The following ME3 variants were observed in gnomAD, a reference collection of about 807,000 sequenced individuals.
ME3 encodes the protein malic enzyme 3.
A neutral mutation model predicts 68.9 loss-of-function variants in ME3; 48 were observed. The ratio of observed to expected loss-of-function variants is 0.70; its 90% CI spans 0.55 to 0.89. The LOEUF (loss-of-function observed/expected upper bound fraction) is 0.89. Ranked by LOEUF, ME3 falls within the 40% of genes least tolerant of loss-of-function variation. The probability of loss-of-function intolerance (pLI) is 0.00; values close to 1 mark genes in which losing one functional copy is unlikely to be tolerated. For missense variants in ME3, 675 were observed against 797.4 expected (o/e 0.85, Z 1.85); for synonymous variants, 320 against 318.8 (o/e 1.00, Z -0.04).
rs373289963 is a variant in ME3 at position 86,493,729 on chromosome 11, CT to C, written c.705+4233del. On this transcript the variant is annotated intron_variant, in intron 6 of 14. Transcript: ENST00000543262. ...CCACATATTTATTTTTCCAAATCTC[CT>C]TGGTATTGGCAGGTAAAAGTGATGC... Among the ~76,000 whole-genome samples the C allele has an allele frequency of 6.4e-3, 977 of 152,324 alleles. 10 individuals are homozygous for C. Among genetic ancestry groups the C allele is most frequent in the African/African-American group, 0.022 (906 of 41,568 alleles).
At chr11:86,657,693 GAAGA>G (rs1249673232) in intron 2 of ME3, among the ~76,000 whole-genome samples, 9 of 152,156 alleles carry the variant, frequency 5.9e-5, no homozygotes, top group East Asian at 1.9e-4. Context: ...GACCAAACTA[GAAGA>G]AAGACTCCTG....
intron 2 of ME3, among the ~76,000 whole-genome samples, chr11:86,630,684 T>C (rs1431781100): frequency 6.6e-6 from 1 of 152,258 alleles, no homozygotes; most frequent in Non-Finnish European, 1.5e-5. Context: ...ACACACTCTT[T>C]GGCATCTTCT....
At position 86,470,271 on chromosome 11, in the gene ME3, T is replaced by C. The variant is rs376453180; in HGVS notation, c.810-5071A>G. On this transcript the variant is annotated intron_variant, in intron 7 of 14. Coordinates refer to ENST00000543262, the Ensembl canonical transcript of ME3. The stretch of plus-strand genomic sequence containing the variant: ...AATGACTAAAAGCTACCTCTGGTAT[T>C]TCCATGGTAGTCCATGCTGTTCCCC... 2.6e-4 allele frequency among the ~76,000 whole-genome samples: 39 copies of C among 152,294 alleles called. No homozygotes were observed. In the East Asian group the frequency reaches 4.6e-3, roughly 18 times the overall value.
chr11:86,448,301 T>C (rs1949437556), intron 10 of ME3, 46 bp from the exon 11 acceptor site: 1 of 1,394,840 alleles, frequency 7.2e-7, no homozygotes, highest in Non-Finnish European at 1.0e-6. Flanking sequence ...GATGGCCTGT[T>C]GGGTAGGAGT....
At chr11:86,505,155 G>T (rs1188206323) in intron 5 of ME3, among the ~76,000 whole-genome samples, 1 of 152,082 alleles carries the variant, frequency 6.6e-6, no homozygotes, top group Admixed American at 6.5e-5. Flanking sequence ...ACCTAGGTAG[G>T]GAGACCTTCC....
exon 2 of ME3, chr11:86,671,822 C>T (rs762531914): frequency 6.2e-7 from 1 of 1,600,926 alleles, no homozygotes; most frequent in Non-Finnish European, 8.5e-7. Flanking sequence ...GCACAGGGCG[C>T]GCCGGGCCAG....
intron 4 of ME3, among the ~76,000 whole-genome samples, chr11:86,529,496 A>G (rs1955035880): frequency 6.6e-6 from 1 of 152,212 alleles, no homozygotes; most frequent in African/African-American, 2.4e-5. Flanking sequence ...AATCCTCCCT[A>G]ACTCATTTTA....
At chr11:86,623,516 G>GCTGA (rs1555016157) in intron 2 of ME3, among the ~76,000 whole-genome samples, 1 of 151,552 alleles carries the variant, frequency 6.6e-6, no homozygotes, top group African/African-American at 2.4e-5. Flanking sequence ...TTTGGAGAAC[G>GCTGA]CTAACATGAT....
rs768426263 is a variant in ME3 at position 86,498,267 on chromosome 11, G to A, written c.544-143C>T. 6.1e-6 allele frequency: 6 copies of A among 989,270 alleles called. No individual in the cohort carries two copies. In the East Asian group the frequency reaches 8.7e-5, roughly 14 times the overall value. 61.3% of individuals were successfully genotyped at this position (989,270 alleles called of 1,614,324 possible). A position where few individuals can be genotyped will look rare whatever the true frequency, so the allele number is the denominator to read the frequency against. ...GAAAGAGCTTGTCTGGGATAAGGCC[G>A]GAGCATTTATTCACCTGCAGGTGAC... On this transcript the variant is annotated intron_variant, in intron 5 of 14. Coordinates refer to ENST00000543262, the Ensembl canonical transcript of ME3.
At chr11:86,537,833 T>C (rs1407553247) in intron 4 of ME3, among the ~76,000 whole-genome samples, 1 of 152,146 alleles carries the variant, frequency 6.6e-6, no homozygotes, top group African/African-American at 2.4e-5. Flanking sequence ...CAGGGAGGTT[T>C]CAAAATGTGG....
At chr11:86,437,848 G>A (rs1948906035), downstream of ME3, among the ~76,000 whole-genome samples, 1 of 113,120 alleles carries the variant, frequency 8.8e-6, no homozygotes, top group Admixed American at 9.3e-5. Flanking sequence ...GAGAGAGAGA[G>A]AGGAGAGAGA....
chr11:86,508,244 C>T (rs1208108686), intron 5 of ME3, among the ~76,000 whole-genome samples: 1 of 152,106 alleles, frequency 6.6e-6, no homozygotes, highest in Non-Finnish European at 1.5e-5. Context: ...CTAGTCTCTC[C>T]ACTACCTAAC....
chr11:86,501,025 A>G (rs181367773), intron 5 of ME3, among the ~76,000 whole-genome samples: 3 of 152,238 alleles, frequency 2.0e-5, no homozygotes, highest in African/African-American at 7.2e-5. Flanking sequence ...TAAAATGCAC[A>G]TTTTATCTCA....
intron 2 of ME3, among the ~76,000 whole-genome samples, chr11:86,661,022 A>G (rs764330881): frequency 7.9e-5 from 12 of 152,178 alleles, no homozygotes; most frequent in Non-Finnish European, 7.3e-5. Context: ...TTTCTGATAC[A>G]TCAAGGAGAA....
intron 6 of ME3, among the ~76,000 whole-genome samples, chr11:86,488,950 A>G (rs1951845484): frequency 6.6e-6 from 1 of 152,182 alleles, no homozygotes; most frequent in East Asian, 1.9e-4. Flanking sequence ...ATGGTCAGGT[A>G]GGAAGAGATA....
At chr11:86,465,715 A>G (rs1223208922) in intron 7 of ME3, among the ~76,000 whole-genome samples, 1 of 152,204 alleles carries the variant, frequency 6.6e-6, no homozygotes, top group Non-Finnish European at 1.5e-5. Flanking sequence ...GGCACCAGGC[A>G]TTGTTCTCTG....
chr11:86,589,691 C>T (rs919109657), intron 2 of ME3, among the ~76,000 whole-genome samples: 1 of 152,198 alleles, frequency 6.6e-6, no homozygotes, highest in African/African-American at 2.4e-5. Flanking sequence ...TTTTCCCCCA[C>T]TTAGGTCTCT....
chr11:86,516,680 C>T (rs1169524483), intron 4 of ME3, among the ~76,000 whole-genome samples: 4 of 152,152 alleles, frequency 2.6e-5, no homozygotes, highest in Admixed American at 6.6e-5. Context: ...CATGAGCCAC[C>T]GTGCCTGGCC....
At chr11:86,466,865 T>A (rs1950507694) in intron 7 of ME3, among the ~76,000 whole-genome samples, 1 of 152,202 alleles carries the variant, frequency 6.6e-6, no homozygotes. Context: ...AGGCCGGACC[T>A]GGCTCTCCAC....
Sources: gnomAD v4.1 joint callset for allele counts (sites outside exome capture counted in the v4.1 genomes callset) on GRCh38, gnomAD v4.1.1 for gene constraint, MANE v1.5 for transcripts, NCBI Gene and HGNC (gene_info 2026-07-23, HGNC 2026-07-21) for gene names.